Variants in HDGFL3 observed in about 807,000 individuals in gnomAD.
HDGFL3 encodes the protein hepatoma-derived growth factor-related protein 3.
Under a neutral mutation model 27.6 loss-of-function variants are expected in HDGFL3, and 6 were observed. The observed-to-expected ratio is 0.22, with a 90% CI of 0.12 to 0.43. The LOEUF (loss-of-function observed/expected upper bound fraction) is 0.43. Among genes scored for constraint, HDGFL3 ranks in the 20% least tolerant of loss-of-function variants. HDGFL3 has a pLI of 1.00. For missense variants in HDGFL3, 207 were observed against 250.1 expected (o/e 0.83, Z 1.16); for synonymous variants, 88 against 88.9 (o/e 0.99, Z 0.05).
intron 1 of HDGFL3, chr15:83,179,873 G>C (rs2099320677): frequency 6.6e-6 from 1 of 152,210 alleles, no homozygotes; most frequent in South Asian, 2.1e-4. Context: ...AATATCCCTT[G>C]AATGCATGAT....
chr15:83,148,649 G>A (rs979923732), intron 5 of HDGFL3, among the ~76,000 whole-genome samples: 1 of 151,672 alleles, frequency 6.6e-6, no homozygotes, highest in Admixed American at 6.6e-5. Flanking sequence ...AATAATAATT[G>A]CAAAAAGCTG....
At position 83,135,954 on chromosome 15, in the gene HDGFL3, C is replaced by G. The variant is rs58288774; in HGVS notation, c.*3316G>C. ...CATAGGGAAAGGGTATGAGCTCTTG[C>G]TGCAAGGAGTAGATGAAAGACTGAT... On this transcript the variant is annotated 3_prime_UTR_variant, in exon 6 of 6. Transcript: ENST00000299633. The G allele has an allele frequency of 6.6e-6, 1 of 152,174 alleles. No homozygotes were observed. The highest frequency in any genetic ancestry group is 1.5e-5 in the Non-Finnish European group (1 of 68,070). 9.4% of individuals were successfully genotyped at this position (152,174 alleles called of 1,614,324 possible).
intron 5 of HDGFL3, among the ~76,000 whole-genome samples, chr15:83,150,527 A>C (rs545800318): frequency 6.6e-6 from 1 of 152,316 alleles, no homozygotes; most frequent in Non-Finnish European, 1.5e-5. Flanking sequence ...TGACATGAAC[A>C]GGCAAGAACT....
chr15:83,203,139 A>G (rs1367579940), intron 1 of HDGFL3, among the ~76,000 whole-genome samples: 2 of 152,104 alleles, frequency 1.3e-5, no homozygotes, highest in Non-Finnish European at 1.5e-5. Context: ...TTTTAAGTGT[A>G]AAAAAGTGCT....
chr15:83,153,412 TACA>T (rs1267603644), intron 4 of HDGFL3, among the ~76,000 whole-genome samples: 1 of 152,224 alleles, frequency 6.6e-6, no homozygotes, highest in Non-Finnish European at 1.5e-5. Context: ...TTATAAGTAT[TACA>T]ATTTGGCATG....
intron 4 of HDGFL3, among the ~76,000 whole-genome samples, chr15:83,152,515 A>G (rs550793371): frequency 1.3e-5 from 2 of 152,292 alleles, no homozygotes; most frequent in African/African-American, 4.8e-5. Flanking sequence ...ATCCTGGCCA[A>G]CATGGTGAAA....
chr15:83,157,264 G>A, intron 4 of HDGFL3, 151 bp downstream of exon 4: 1 of 749,676 alleles, frequency 1.3e-6, no homozygotes, highest in South Asian at 1.8e-5. Flanking sequence ...AAGGTTACCT[G>A]ACTTCCCTCT....
intron 1 of HDGFL3, among the ~76,000 whole-genome samples, chr15:83,190,970 C>T (rs771183965): frequency 2.0e-5 from 3 of 152,058 alleles, no homozygotes; most frequent in Non-Finnish European, 2.9e-5. Context: ...GAAAGTTAAC[C>T]CATATGGATA....
intron 4 of HDGFL3, among the ~76,000 whole-genome samples, chr15:83,156,071 C>T (rs1407810569): frequency 6.6e-6 from 1 of 152,168 alleles, no homozygotes; most frequent in Non-Finnish European, 1.5e-5. Context: ...TTATGGCCTA[C>T]AAGTCTGCAT....
chr15:83,187,887 CAAAAAAA>C (rs748482520), intron 1 of HDGFL3, among the ~76,000 whole-genome samples: 9 of 75,546 alleles, frequency 1.2e-4, no homozygotes, highest in South Asian at 5.0e-4. Context: ...AACTCTGTCT[CAAAAAAA>C]AAAAAAAAAA....
At chr15:83,200,510 A>G (rs2037631812) in intron 1 of HDGFL3, among the ~76,000 whole-genome samples, 1 of 152,254 alleles carries the variant, frequency 6.6e-6, no homozygotes, top group Non-Finnish European at 1.5e-5. Flanking sequence ...CTGAGACTTT[A>G]CTACGTTCCC....
chr15:83,169,980 C>CA (rs1398045674), intron 1 of HDGFL3, among the ~76,000 whole-genome samples: 2 of 151,992 alleles, frequency 1.3e-5, no homozygotes, highest in Admixed American at 6.6e-5. Flanking sequence ...AATAGCCGCA[C>CA]AAAAAATAAA....
chr15:83,162,659 C>T (rs1182572855), intron 2 of HDGFL3, among the ~76,000 whole-genome samples: 2 of 152,004 alleles, frequency 1.3e-5, no homozygotes, highest in African/African-American at 4.8e-5. Context: ...AGAGAAATTA[C>T]AATTATTTCT....
intron 1 of HDGFL3, among the ~76,000 whole-genome samples, chr15:83,203,216 G>T (rs1466875651): frequency 6.6e-6 from 1 of 152,060 alleles, no homozygotes; most frequent in African/African-American, 2.4e-5. Context: ...AGAGTAGGGG[G>T]TAACATAAGC....
chr15:83,142,883 T>C (rs948625102), intron 5 of HDGFL3, among the ~76,000 whole-genome samples: 3 of 152,224 alleles, frequency 2.0e-5, no homozygotes, highest in Admixed American at 2.0e-4. Context: ...TGAAATGTTA[T>C]TTTCATAAAA....
At position 83,136,874 on chromosome 15, in the gene HDGFL3, A is replaced by T; in HGVS notation, c.*2396T>A. ...GAAATTCTTGAGAAACAGTTTGTTTAAAGAAATATATTCAAAATCATTTGT... is the reference window on the plus strand; with the variant it reads ...GAAATTCTTGAGAAACAGTTTGTTTTAAGAAATATATTCAAAATCATTTGT... On this transcript the variant is annotated 3_prime_UTR_variant, in exon 6 of 6. Transcript: ENST00000299633. 1 of 393,150 alleles carries T rather than the reference A, an allele frequency of 2.5e-6. No homozygotes were observed. Among genetic ancestry groups the T allele is most frequent in the Non-Finnish European group, 4.6e-6 (1 of 219,504 alleles). The allele number at this position is 393,150 out of a possible 1,614,324, so 24.4% of individuals were successfully genotyped here.
chr15:83,189,535 C>T (rs527975342), intron 1 of HDGFL3: 1 of 152,352 alleles, frequency 6.6e-6, no homozygotes, highest in South Asian at 2.1e-4. Flanking sequence ...TACAGAAACA[C>T]ACACATCACA....
intron 1 of HDGFL3, chr15:83,186,003 C>T (rs1243248481): frequency 6.6e-6 from 1 of 152,262 alleles, no homozygotes; most frequent in Admixed American, 6.5e-5. Flanking sequence ...CTCTGGCCAA[C>T]ATCTCATGAA....
chr15:83,115,990 C>A, intron 3 of HDGFL3: 1 of 1,383,488 alleles, frequency 7.2e-7, no homozygotes, highest in Non-Finnish European at 1.0e-6. Context: ...AAGGCCACAA[C>A]CCAGATCACA....
Sources: allele counts gnomAD v4.1 joint callset (sites outside exome capture counted in the v4.1 genomes callset), GRCh38; gene constraint gnomAD v4.1.1; transcripts MANE v1.5; gene names NCBI Gene and HGNC (gene_info 2026-07-23, HGNC 2026-07-21).